The following AGBL4 variants were observed in gnomAD, a reference collection of about 807,000 sequenced individuals.
AGBL4 encodes cytosolic carboxypeptidase 6.
Under a neutral mutation model 66.4 loss-of-function variants are expected in AGBL4, and 58 were observed. That is an observed-to-expected ratio of 0.87 (90% confidence interval 0.71 to 1.09). The LOEUF (loss-of-function observed/expected upper bound fraction) is 1.09, where lower values mean the gene tolerates loss of function less well. Among genes scored for constraint, AGBL4 ranks in the 50% least tolerant of loss-of-function variants. AGBL4 has a pLI of 0.00. For synonymous variants in AGBL4, 234 were observed against 222.9 expected (o/e 1.05, Z -0.44); for missense variants, 579 against 631.0 (o/e 0.92, Z 0.88).
At chr1:49,188,202 A>T (rs1647049839) in intron 4 of AGBL4, among the ~76,000 whole-genome samples, 1 of 151,934 alleles carries the variant, frequency 6.6e-6, no homozygotes, top group South Asian at 2.1e-4. Context: ...CACCCATTTT[A>T]TCAATTCATT....
At chr1:48,918,225 C>T (rs528706025) in intron 5 of AGBL4, among the ~76,000 whole-genome samples, 2 of 152,316 alleles carry the variant, frequency 1.3e-5, no homozygotes, top group East Asian at 3.9e-4. Context: ...TCCCCCAGCT[C>T]CTAGGGAGAT....
At chr1:48,582,608 G>A (rs145578855) in intron 11 of AGBL4, among the ~76,000 whole-genome samples, 25 of 152,344 alleles carry the variant, frequency 1.6e-4, no homozygotes, top group South Asian at 8.3e-4. Context: ...GCTGAGACAA[G>A]TCAAGACAAG....
intron 5 of AGBL4, among the ~76,000 whole-genome samples, chr1:49,004,422 G>A (rs1172109032): frequency 1.3e-5 from 2 of 152,186 alleles, no homozygotes; most frequent in Non-Finnish European, 1.5e-5. Context: ...TGAATAAAAT[G>A]AAATGGCATA....
intron 4 of AGBL4, among the ~76,000 whole-genome samples, chr1:49,151,130 G>A (rs1189269956): frequency 1.3e-5 from 2 of 151,706 alleles, no homozygotes; most frequent in African/African-American, 2.4e-5. Flanking sequence ...TTAGCCGGGC[G>A]TGGCAGTGTA....
At chr1:49,464,973 T>G (rs1375685061) in intron 3 of AGBL4, among the ~76,000 whole-genome samples, 1 of 151,472 alleles carries the variant, frequency 6.6e-6, no homozygotes, top group African/African-American at 2.4e-5. Flanking sequence ...TATTAAGCCT[T>G]TCTGAATGAA....
chr1:48,714,692 T>C (rs781670663), intron 6 of AGBL4, among the ~76,000 whole-genome samples: 6 of 152,224 alleles, frequency 3.9e-5, no homozygotes, highest in Non-Finnish European at 7.3e-5. Context: ...CAATGACTCC[T>C]TGTTGCCACC....
chr1:49,323,941 C>T (rs1237663903), intron 3 of AGBL4, among the ~76,000 whole-genome samples: 3 of 152,018 alleles, frequency 2.0e-5, no homozygotes, highest in African/African-American at 7.2e-5. Flanking sequence ...TTGCTTTTTC[C>T]CTGACAGTCT....
At chr1:49,521,416 T>A (rs1251713643) in intron 3 of AGBL4, among the ~76,000 whole-genome samples, 1 of 151,894 alleles carries the variant, frequency 6.6e-6, no homozygotes, top group Admixed American at 6.6e-5. Flanking sequence ...AACAGACACA[T>A]AGACCAATGG....
chr1:49,222,717 T>A (rs1161905242), intron 4 of AGBL4, among the ~76,000 whole-genome samples: 1 of 152,236 alleles, frequency 6.6e-6, no homozygotes, highest in Non-Finnish European at 1.5e-5. Flanking sequence ...GGCTTCCTTA[T>A]GATAAATCTT....
intron 1 of AGBL4, among the ~76,000 whole-genome samples, chr1:49,948,025 TAAA>T (rs1655489864): frequency 1.5e-5 from 1 of 65,358 alleles, no homozygotes; most frequent in African/African-American, 8.0e-5. Context: ...TAAATATATA[TAAA>T]TATATATACA....
chr1:49,804,293 T>C (rs1379503872), intron 2 of AGBL4, among the ~76,000 whole-genome samples: 2 of 152,196 alleles, frequency 1.3e-5, no homozygotes, highest in Non-Finnish European at 2.9e-5. Flanking sequence ...GACCTTTTTT[T>C]AGCTCATTAG....
At chr1:49,932,960 G>C (rs1653516859) in intron 1 of AGBL4, among the ~76,000 whole-genome samples, 1 of 152,110 alleles carries the variant, frequency 6.6e-6, no homozygotes, top group Non-Finnish European at 1.5e-5. Flanking sequence ...TCATGGGAAT[G>C]CCAAAGAAGA....
chr1:48,961,897 G>GA (rs1333378725), intron 5 of AGBL4, among the ~76,000 whole-genome samples: 1 of 152,188 alleles, frequency 6.6e-6, no homozygotes, highest in Non-Finnish European at 1.5e-5. Flanking sequence ...CCACAGCGGG[G>GA]AAAGTACAGT....
intron 5 of AGBL4, among the ~76,000 whole-genome samples, chr1:48,948,153 T>C (rs541618533): frequency 6.6e-6 from 1 of 152,308 alleles, no homozygotes; most frequent in East Asian, 1.9e-4. Context: ...AAGGGATACC[T>C]AGAAAGGGCA....
intron 6 of AGBL4, among the ~76,000 whole-genome samples, chr1:48,798,308 A>G (rs1156588205): frequency 7.2e-5 from 11 of 151,868 alleles, no homozygotes; most frequent in Non-Finnish European, 1.6e-4. Context: ...TCCTTAGCCT[A>G]CTTTTTGATG....
chr1:48,914,612 C>T lies in AGBL4; in HGVS notation c.595-47382G>A, dbSNP rs922854484. Among the ~76,000 whole-genome samples, 4 of 152,170 alleles carry T rather than the reference C, an allele frequency of 2.6e-5. No homozygotes were observed. The South Asian group carries it at 8.3e-4, about 31-fold the overall frequency. On this transcript the variant is annotated intron_variant, in intron 5 of 13. Coordinates refer to ENST00000371839, the MANE Select transcript of AGBL4 (RefSeq NM_032785.4). ...TCATAACACAGGCATGTAGTTAATA[C>T]TATGTTTATAAAATGTTCTTTTGTT...
At position 48,533,481 on chromosome 1, in the gene AGBL4, C is replaced by T. The variant is rs960948188; in HGVS notation, c.*692G>A. On this transcript the variant is annotated 3_prime_UTR_variant, in exon 14 of 14. Transcript: ENST00000371839. ...ATCTGGAGACCTTAACCATAATAAA[C>T]CTTTTAAAATGAGTGACCAGTGCTT... 1.3e-5 allele frequency: 2 copies of T among 152,664 alleles called. No homozygotes were observed. The highest frequency in any genetic ancestry group is 2.9e-5 in the Non-Finnish European group (2 of 68,374). The allele number at this position is 152,664 out of a possible 1,614,324, so 9.5% of individuals were successfully genotyped here. A position where few individuals can be genotyped will look rare whatever the true frequency, so the allele number is the denominator to read the frequency against.
At chr1:49,551,658 G>A (rs1341288798) in intron 3 of AGBL4, among the ~76,000 whole-genome samples, 1 of 152,226 alleles carries the variant, frequency 6.6e-6, no homozygotes, top group East Asian at 1.9e-4. Flanking sequence ...CCATCTATGG[G>A]TCTCAGCCAT....
chr1:48,781,373 G>A (rs1645288856), intron 6 of AGBL4, among the ~76,000 whole-genome samples: 1 of 152,214 alleles, frequency 6.6e-6, no homozygotes. Context: ...TATGGATACA[G>A]CTTAATGGAA....
Sources: allele counts gnomAD v4.1 joint callset (sites outside exome capture counted in the v4.1 genomes callset), GRCh38; gene constraint gnomAD v4.1.1; transcripts MANE v1.5; gene names NCBI Gene and HGNC (gene_info 2026-07-23, HGNC 2026-07-21).